The following MAD2L1 variants were observed in gnomAD, a reference collection of about 807,000 sequenced individuals.
MAD2L1 encodes mitotic arrest deficient 2 like 1, also known as mitotic spindle assembly checkpoint protein MAD2A.
Under a neutral mutation model 25.9 loss-of-function variants are expected in MAD2L1, and 10 were observed. That is an observed-to-expected ratio of 0.39 (90% CI 0.24 to 0.66). The LOEUF is 0.66. MAD2L1 is among the 30% of genes least tolerant of loss of function. The pLI is 0.49. For synonymous variants in MAD2L1, 81 were observed against 91.8 expected (o/e 0.88, Z 0.67); for missense variants, 180 against 246.4 (o/e 0.73, Z 1.80).
rs988814842 is a variant in MAD2L1, at chr4:120,059,340, G to A, written c.*778C>T. 5 of 152,068 alleles carry A rather than the reference G, an allele frequency of 3.3e-5. No homozygotes were observed. The highest frequency in any genetic ancestry group is 2.1e-4 in the South Asian group (1 of 4,818). The allele number at this position is 152,068 out of a possible 1,614,324, so 9.4% of individuals were successfully genotyped here. A position where few individuals can be genotyped will look rare whatever the true frequency, so the allele number is the denominator to read the frequency against. On this transcript the variant is annotated 3_prime_UTR_variant, in exon 5 of 5. Coordinates refer to ENST00000296509, the MANE Select transcript of MAD2L1 (RefSeq NM_002358.4). ...TTGGACCCTTAAGTTCTATAACTTC[G>A]TAGGAACAAGAATTCATTAGCTATG...
rs529786403 is a variant in MAD2L1 at position 120,060,905 on chromosome 4, C to T, written c.414G>A (p.Thr138=). 22 of 1,608,582 alleles carry T rather than the reference C, an allele frequency of 1.4e-5. No individual in the cohort carries two copies. The African/African-American group carries it at 1.7e-4, about 13-fold the overall frequency. The stretch of plus-strand genomic sequence containing the variant: ...CTTCCAACAGTGGCAGAAATGTCAC[C>T]GTAGCTGTGATCTGTCTGATCACTG... ...IRSVIRQITA[T]VTFLPLLEVS... is the part of the protein sequence containing the mutation. The change falls in exon 4 of 5, where the codon ACG becomes ACA. Residue 138 remains threonine (T), a synonymous_variant. Coordinates refer to ENST00000296509, the MANE Select transcript of MAD2L1 (RefSeq NM_002358.4).
intron 2 of MAD2L1, chr4:120,065,404 C>T (rs1028483721): frequency 2.3e-5 from 7 of 304,780 alleles, no homozygotes; most frequent in Admixed American, 4.5e-5. Flanking sequence ...TCCATTTGGC[C>T]ACATTTACTG....
Position 120,055,948 on chromosome 4 carries a change from A to C in MAD2L1, c.*4170T>G, listed in dbSNP as rs1042416473. On this transcript the variant is annotated 3_prime_UTR_variant, in exon 5 of 5. Transcript: ENST00000296509. ...GAAAGTGTAAATACAAAGTCACCCA[A>C]TAAAACATGAATAAGTTTTGCAAAG... 4 of 152,248 alleles carry C rather than the reference A, an allele frequency of 2.6e-5. No homozygotes were observed. The highest frequency in any genetic ancestry group is 5.9e-5 in the Non-Finnish European group (4 of 68,046). The allele number at this position is 152,248 out of a possible 1,614,324, so 9.4% of individuals were successfully genotyped here.
In MAD2L1 at chr4:120,056,896, G is replaced by A. The variant is rs1238649883; in HGVS notation, c.*3222C>T. The A allele has an allele frequency of 6.6e-6, 1 of 152,176 alleles. No homozygotes were observed. Among genetic ancestry groups the A allele is most frequent in the East Asian group, 1.9e-4 (1 of 5,190 alleles). 9.4% of individuals were successfully genotyped at this position (152,176 alleles called of 1,614,324 possible). A position where few individuals can be genotyped will look rare whatever the true frequency, so the allele number is the denominator to read the frequency against. ...GTGCTTCAGAGAATATGGAATTTAG[G>A]TATATTTGGGAGAGACATTCTGTTT... On this transcript the variant is annotated 3_prime_UTR_variant, in exon 5 of 5. Transcript: ENST00000296509.
At chr4:120,061,759 A>G (rs565386710) in intron 3 of MAD2L1, among the ~76,000 whole-genome samples, 15 of 152,266 alleles carry the variant, frequency 9.9e-5, no homozygotes, top group African/African-American at 3.6e-4. Flanking sequence ...ACTAAAGGCA[A>G]TTATGTTAAA....
intron 4 of MAD2L1, among the ~76,000 whole-genome samples, chr4:120,060,558 ATTG>A (rs777173654): frequency 6.6e-6 from 1 of 152,146 alleles, no homozygotes; most frequent in Non-Finnish European, 1.5e-5. Context: ...ATGCCAGCAT[ATTG>A]TTATAATTGT....
chr4:120,061,127 G>C (rs1370330749), intron 3 of MAD2L1, 150 bp from the exon 4 acceptor site: 4 of 552,742 alleles, frequency 7.2e-6, no homozygotes, highest in Non-Finnish European at 1.3e-5. Context: ...AAATGTGAGT[G>C]AAAGTATCCT....
intron 2 of MAD2L1, among the ~76,000 whole-genome samples, chr4:120,064,975 T>C (rs1456839640): frequency 1.3e-5 from 2 of 151,520 alleles, no homozygotes; most frequent in Admixed American, 1.3e-4. Context: ...GAATCCTAAG[T>C]GGAGGGTAAC....
At position 120,060,294 on chromosome 4, in the gene MAD2L1, A is replaced by C; in HGVS notation, c.446-4T>G. The C allele has an allele frequency of 6.2e-7, 1 of 1,602,010 alleles. No homozygotes were observed. Among genetic ancestry groups the C allele is most frequent in the Non-Finnish European group, 8.5e-7 (1 of 1,171,908 alleles). ...TAAATCAGCAGATCAAATGAACCTA[A>C]ATTGGGGATAAGATCATTGAAGTAT... On this transcript the variant is annotated splice_polypyrimidine_tract_variant and splice_region_variant and intron_variant, in intron 4 of 4. Coordinates refer to ENST00000296509, the MANE Select transcript of MAD2L1 (RefSeq NM_002358.4).
chr4:120,062,038 C>T lies in MAD2L1; in HGVS notation c.278G>A (p.Ser93Asn). The change falls in exon 3 of 5, where the codon AGT (serine) becomes AAT (asparagine). Residue 93 changes from serine (S) to asparagine (N), a missense_variant. By Grantham distance (46) the Ser-to-Asn change is conservative (BLOSUM62 1). Coordinates refer to ENST00000296509, the MANE Select transcript of MAD2L1 (RefSeq NM_002358.4). ...KLVVVISNIE[S>N]GEVLERWQFD... The stretch of plus-strand genomic sequence containing the variant: ...CTGCCATCTTTCCAGGACCTCACCA[C>T]TTTCAATATTTGAGATAACTACAAC... 17 of 1,613,034 alleles carry T rather than the reference C, an allele frequency of 1.1e-5. No individual in the cohort carries two copies. The highest frequency in any genetic ancestry group is 3.3e-4 in the Middle Eastern group (2 of 6,056).
chr4:120,065,757 T>C lies in MAD2L1; in HGVS notation c.135A>G (p.Arg45=), dbSNP rs1218900747. Residue 45 remains arginine, a synonymous_variant, in exon 2 of 5, where the codon CGA becomes CGG. Coordinates refer to ENST00000296509, the MANE Select transcript of MAD2L1 (RefSeq NM_002358.4). ...RGIYPSETFT[R]VQKYGLTLLV... ...GCAAGGTGAGTCCGTATTTCTGCAC[T>C]CGAGTAAAGGTTTCAGATGGATATA... 1 of 1,613,848 alleles carries C rather than the reference T, an allele frequency of 6.2e-7. No individual in the cohort carries two copies. The highest frequency in any genetic ancestry group is 1.3e-5 in the African/African-American group (1 of 74,912).
At chr4:120,061,030 T>C in intron 3 of MAD2L1, 53 bp from the exon 4 acceptor site, 1 of 1,039,578 alleles carries the variant, frequency 9.6e-7, no homozygotes, top group South Asian at 1.3e-5. Flanking sequence ...AACAAATTAT[T>C]TCAAACATAG....
In MAD2L1 at chr4:120,057,657, G is replaced by A. The variant is rs1321867265; in HGVS notation, c.*2461C>T. 1 of 152,220 alleles carries A rather than the reference G, an allele frequency of 6.6e-6. No homozygotes were observed. Among genetic ancestry groups the A allele is most frequent in the Non-Finnish European group, 1.5e-5 (1 of 68,072 alleles). 9.4% of individuals were successfully genotyped at this position (152,220 alleles called of 1,614,324 possible). ...CCTAGAGGCCTATCATGCTGTCTTA[G>A]AACCTTCTCTTTAACATGGTGTAGA... On this transcript the variant is annotated 3_prime_UTR_variant, in exon 5 of 5. Transcript: ENST00000296509.
At chr4:120,060,342 A>G in intron 4 of MAD2L1, 52 bp from the exon 5 acceptor site, 3 of 1,409,076 alleles carry the variant, frequency 2.1e-6, no homozygotes, top group East Asian at 2.5e-5. Context: ...AAGTAAAACT[A>G]ATCTTGCTGC....
rs1389042798 is a variant in MAD2L1, at chr4:120,057,820, C to T, written c.*2298G>A. 6.6e-6 allele frequency: 1 copy of T among 152,214 alleles called. No individual in the cohort carries two copies. Among genetic ancestry groups the T allele is most frequent in the Admixed American group, 6.5e-5 (1 of 15,276 alleles). 9.4% of individuals were successfully genotyped at this position (152,214 alleles called of 1,614,324 possible). The stretch of plus-strand genomic sequence containing the variant: ...CCAGTATAGCTTCACCTCAATAAAA[C>T]TCATAGTTTGGCTCCCACTCAGCTC... On this transcript the variant is annotated 3_prime_UTR_variant, in exon 5 of 5. Coordinates refer to ENST00000296509, the MANE Select transcript of MAD2L1 (RefSeq NM_002358.4).
Position 120,066,739 on chromosome 4 carries a change from A to C in MAD2L1, c.-5T>G, listed in dbSNP as rs1442964731. 6.9e-6 allele frequency: 11 copies of C among 1,593,712 alleles called. No individual in the cohort carries two copies. The African/African-American group carries it at 1.2e-4, about 17-fold the overall frequency. On this transcript the variant is annotated 5_prime_UTR_variant, in exon 1 of 5. Transcript: ENST00000296509. ...CCGGGAGAGCTGCAGCGCCATGGCC[A>C]GGGACACAAACAAAAGCACGCGCTT...
Position 120,060,117 on chromosome 4 carries a change from C to T in MAD2L1, c.*1G>A. 6.3e-7 allele frequency: 1 copy of T among 1,589,974 alleles called. No individual in the cohort carries two copies. The highest frequency in any genetic ancestry group is 8.6e-7 in the Non-Finnish European group (1 of 1,164,340). The stretch of plus-strand genomic sequence containing the variant: ...ATTACATTATTTTCCTCATGTCATC[C>T]TCAGTCATTGACAGGAATTTTGTAG... On this transcript the variant is annotated 3_prime_UTR_variant, in exon 5 of 5. Coordinates refer to ENST00000296509, the MANE Select transcript of MAD2L1 (RefSeq NM_002358.4).
At chr4:120,062,588 G>C (rs1432184841) in intron 2 of MAD2L1, among the ~76,000 whole-genome samples, 1 of 152,312 alleles carries the variant, frequency 6.6e-6, no homozygotes, top group Non-Finnish European at 1.5e-5. Flanking sequence ...AGAGCATATA[G>C]AGGGCTGGAA....
intron 2 of MAD2L1, among the ~76,000 whole-genome samples, chr4:120,064,540 A>C (rs1052129361): frequency 7.9e-5 from 12 of 152,212 alleles, no homozygotes; most frequent in African/African-American, 2.9e-4. Context: ...GTTGGTAAAC[A>C]TTCTATAACA....
Sources: gnomAD v4.1 joint callset for allele counts (sites outside exome capture counted in the v4.1 genomes callset) on GRCh38, gnomAD v4.1.1 for gene constraint, MANE v1.5 for transcripts, NCBI Gene and HGNC (gene_info 2026-07-23, HGNC 2026-07-21) for gene names.